Variants in HMCN1 observed in about 807,000 individuals in gnomAD.
HMCN1 encodes hemicentin-1.
Under a neutral mutation model 625.9 loss-of-function variants are expected in HMCN1, and 321 were observed. The ratio of observed to expected loss-of-function variants is 0.51; its 90% CI spans 0.47 to 0.56. The LOEUF (loss-of-function observed/expected upper bound fraction) is 0.56, where lower values mean the gene tolerates loss of function less well. Among genes scored for constraint, HMCN1 ranks in the 20% least tolerant of loss-of-function variants. The pLI is 0.00. For synonymous variants in HMCN1, 2,425 were observed against 2,417.6 expected (o/e 1.00, Z -0.09); for missense variants, 6,588 against 6,887.3 (o/e 0.96, Z 1.54).
At chr1:186,037,416 T>C (rs1044681750) in intron 36 of HMCN1, among the ~76,000 whole-genome samples, 2 of 152,152 alleles carry the variant, frequency 1.3e-5, no homozygotes, top group African/African-American at 2.4e-5. Context: ...TACTTTTCTG[T>C]TTTATTTTGT....
chr1:185,912,367 A>G (rs1006203796), intron 6 of HMCN1, among the ~76,000 whole-genome samples: 4 of 152,050 alleles, frequency 2.6e-5, no homozygotes, highest in East Asian at 3.9e-4. Flanking sequence ...ATTTCTATTC[A>G]TTTTCTTCTT....
intron 50 of HMCN1, among the ~76,000 whole-genome samples, chr1:186,068,286 A>C (rs1043295567): frequency 6.6e-6 from 1 of 152,200 alleles, no homozygotes; most frequent in African/African-American, 2.4e-5. Flanking sequence ...AACTGCTAAA[A>C]TATATTATAA....
At chr1:185,822,949 A>G (rs983529428) in intron 1 of HMCN1, among the ~76,000 whole-genome samples, 6 of 152,296 alleles carry the variant, frequency 3.9e-5, no homozygotes, top group African/African-American at 1.4e-4. Flanking sequence ...GCAAAATTTG[A>G]ACAATCTCAC....
intron 1 of HMCN1, among the ~76,000 whole-genome samples, chr1:185,833,918 T>C (rs1365211248): frequency 6.6e-6 from 1 of 152,234 alleles, no homozygotes; most frequent in Non-Finnish European, 1.5e-5. Flanking sequence ...TTTCTTATTA[T>C]ACACACATAT....
At chr1:185,919,183 G>C (rs1260405383) in intron 6 of HMCN1, among the ~76,000 whole-genome samples, 1 of 151,816 alleles carries the variant, frequency 6.6e-6, no homozygotes, top group Non-Finnish European at 1.5e-5. Flanking sequence ...CCTCCTCTTT[G>C]CTTGACTCAG....
At chr1:186,074,052 T>C (rs992715433) in intron 52 of HMCN1, among the ~76,000 whole-genome samples, 1 of 151,938 alleles carries the variant, frequency 6.6e-6, no homozygotes, top group Admixed American at 6.6e-5. Flanking sequence ...AGAGTATCAT[T>C]AGAAGGAATG....
intron 93 of HMCN1, among the ~76,000 whole-genome samples, chr1:186,148,314 C>T (rs1458654234): frequency 4.6e-5 from 7 of 152,158 alleles, no homozygotes; most frequent in Admixed American, 2.0e-4. Context: ...CCACTGAAGT[C>T]TTGAAACTTC....
At chr1:185,915,416 G>A (rs1006314941) in intron 6 of HMCN1, among the ~76,000 whole-genome samples, 1 of 151,982 alleles carries the variant, frequency 6.6e-6, no homozygotes, top group African/African-American at 2.4e-5. Flanking sequence ...GAAACTCCCT[G>A]CAAAGACATT....
At chr1:186,000,698 C>A (rs1185882289) in intron 26 of HMCN1, among the ~76,000 whole-genome samples, 3 of 151,818 alleles carry the variant, frequency 2.0e-5, no homozygotes, top group African/African-American at 7.3e-5. Flanking sequence ...ATTATATTCA[C>A]ATTTTTCACC....
chr1:186,028,938 G>A (rs1655237983), intron 36 of HMCN1, among the ~76,000 whole-genome samples: 1 of 151,616 alleles, frequency 6.6e-6, no homozygotes, highest in Non-Finnish European at 1.5e-5. Flanking sequence ...TGTTGCCCAG[G>A]CTGATCTCGA....
intron 1 of HMCN1, among the ~76,000 whole-genome samples, chr1:185,844,336 CAA>C: frequency 6.6e-6 from 1 of 152,150 alleles, no homozygotes; most frequent in East Asian, 1.9e-4. Context: ...TTTCAAACTG[CAA>C]AGTGTCTAAT....
intron 80 of HMCN1, among the ~76,000 whole-genome samples, chr1:186,122,274 T>C (rs959414064): frequency 1.3e-5 from 2 of 152,174 alleles, no homozygotes; most frequent in Non-Finnish European, 2.9e-5. Context: ...ATAATCTTAA[T>C]ACGATTATCA....
chr1:186,074,911 G>T lies in HMCN1; in HGVS notation c.8290+20G>T. 1 of 1,556,586 alleles carries T rather than the reference G, an allele frequency of 6.4e-7. No homozygotes were observed. Among genetic ancestry groups the T allele is most frequent in the Non-Finnish European group, 8.9e-7 (1 of 1,128,742 alleles). On this transcript the variant is annotated intron_variant, in intron 53 of 106. Coordinates refer to ENST00000271588, the MANE Select transcript of HMCN1 (RefSeq NM_031935.3). ...TTCAAGGTAATACTAATTGCTTATT[G>T]TATATAATGTAATTTATATGATCTT...
At chr1:186,132,588 G>A (rs1404170751) in intron 86 of HMCN1, among the ~76,000 whole-genome samples, 179 bp downstream of exon 86, 1 of 152,022 alleles carries the variant, frequency 6.6e-6, no homozygotes, top group Non-Finnish European at 1.5e-5. Context: ...ATAACACACA[G>A]ATATTTTTCT....
In HMCN1 at chr1:186,035,711, A is replaced by C. The variant is rs74804158; in HGVS notation, c.5750-2223A>C. Reference sequence around the variant, plus strand: ...AGATAGCTTTATATTTTCATTGTTGATTTATATTTTATAGCTTTATTAAAT... The same window carrying C: ...AGATAGCTTTATATTTTCATTGTTGCTTTATATTTTATAGCTTTATTAAAT... On this transcript the variant is annotated intron_variant, in intron 36 of 106. Coordinates refer to ENST00000271588, the MANE Select transcript of HMCN1 (RefSeq NM_031935.3). 3.8e-3 allele frequency among the ~76,000 whole-genome samples: 582 copies of C among 151,900 alleles called. 23 individuals are homozygous for C. The East Asian group carries it at 0.089, about 23-fold the overall frequency.
chr1:185,907,734 G>A (rs373601835), intron 4 of HMCN1, among the ~76,000 whole-genome samples: 28 of 152,064 alleles, frequency 1.8e-4, no homozygotes, highest in East Asian at 1.7e-3. Context: ...GAAGAGAAGG[G>A]AATTTAGCTG....
intron 2 of HMCN1, among the ~76,000 whole-genome samples, chr1:185,860,929 A>C (rs1421955592): frequency 1.3e-5 from 2 of 151,980 alleles, no homozygotes; most frequent in African/African-American, 4.8e-5. Context: ...TGATTTTATT[A>C]ATATGTGGTT....
chr1:185,804,590 A>C (rs1659047875), intron 1 of HMCN1, among the ~76,000 whole-genome samples: 1 of 152,050 alleles, frequency 6.6e-6, no homozygotes, highest in Admixed American at 6.6e-5. Context: ...CAGGTTTAGG[A>C]CTTTCAACTC....
intron 13 of HMCN1, among the ~76,000 whole-genome samples, chr1:185,964,614 C>T (rs1017596353): frequency 4.6e-5 from 7 of 152,050 alleles, no homozygotes; most frequent in Admixed American, 4.6e-4. Flanking sequence ...GAATTGAGAG[C>T]CTGGAAAGAA....
Sources: allele counts gnomAD v4.1 joint callset (sites outside exome capture counted in the v4.1 genomes callset), GRCh38; gene constraint gnomAD v4.1.1; transcripts MANE v1.5; gene names NCBI Gene and HGNC (gene_info 2026-07-23, HGNC 2026-07-21).